Variants in NAA35 observed in about 807,000 individuals in gnomAD.
NAA35 encodes the protein MAK10 homolog, amino-acid N-acetyltransferase subunit.
NAA35 carries 18 observed loss-of-function variants against 101.7 expected under a neutral mutation model. The observed-to-expected ratio is 0.18, with a 90% CI of 0.12 to 0.26. The LOEUF (loss-of-function observed/expected upper bound fraction) is 0.26, where lower values mean the gene tolerates loss of function less well. NAA35 is among the 10% of genes least tolerant of loss of function. The pLI, the probability that NAA35 is intolerant of heterozygous loss-of-function variation, is 1.00. For missense variants in NAA35, 601 were observed against 886.8 expected (o/e 0.68, Z 4.09); for synonymous variants, 267 against 273.1 (o/e 0.98, Z 0.22).
chr9:85,986,756 T>C (rs1031230781), intron 11 of NAA35: 6 of 275,952 alleles, frequency 2.2e-5, no homozygotes, highest in Non-Finnish European at 3.5e-5. Flanking sequence ...GGCTAACTTT[T>C]TGTATTCTTT....
At chr9:86,001,820 C>T (rs1452462957) in intron 12 of NAA35, among the ~76,000 whole-genome samples, 3 of 152,092 alleles carry the variant, frequency 2.0e-5, no homozygotes, top group Non-Finnish European at 4.4e-5. Flanking sequence ...GCTTTTTTAT[C>T]CAGCTTGTCA....
At position 85,963,364 on chromosome 9, in the gene NAA35, G is replaced by A. The variant is rs148380748; in HGVS notation, c.516+1184G>A. 2.5e-4 allele frequency among the ~76,000 whole-genome samples: 36 copies of A among 146,688 alleles called. No homozygotes were observed. The East Asian group carries it at 7.3e-3, about 30-fold the overall frequency. ...CGGCTCACTGCAACCTCCATCTCCC[G>A]GGTTCAAGCTATTCTTGTGCCTCAG... On this transcript the variant is annotated intron_variant, in intron 6 of 22. Coordinates refer to ENST00000361671, the MANE Select transcript of NAA35 (RefSeq NM_024635.4).
chr9:86,007,249 T>C, intron 13 of NAA35, 109 bp from the exon 14 acceptor site: 1 of 704,786 alleles, frequency 1.4e-6, no homozygotes, highest in Non-Finnish European at 2.2e-6. Context: ...CACAAACTTT[T>C]TATATTTTAA....
intron 6 of NAA35, among the ~76,000 whole-genome samples, chr9:85,974,486 T>C (rs1312812234): frequency 3.9e-5 from 6 of 152,224 alleles, no homozygotes; most frequent in Admixed American, 6.5e-5. Flanking sequence ...CAATGGACTA[T>C]AGTGGAACAT....
intron 2 of NAA35, among the ~76,000 whole-genome samples, chr9:85,954,310 C>T (rs1220943170): frequency 6.6e-6 from 1 of 152,134 alleles, no homozygotes; most frequent in Non-Finnish European, 1.5e-5. Context: ...CTTGAACTCG[C>T]GGGCTTAGGC....
rs1456789718 is a variant in NAA35 at position 85,947,515 on chromosome 9, G to A, written c.124+5232G>A. On this transcript the variant is annotated intron_variant, in intron 2 of 22. Transcript: ENST00000361671. Reference sequence around the variant, plus strand: ...ATCCAGAATGTTACCAAGAGGTGGAGCATGGGTGAGATGGCCAGCGCTGGC... The same window carrying A: ...ATCCAGAATGTTACCAAGAGGTGGAACATGGGTGAGATGGCCAGCGCTGGC... Among the ~76,000 whole-genome samples the A allele has an allele frequency of 2.0e-5, 3 of 152,312 alleles. No individual in the cohort carries two copies. The East Asian group carries it at 5.8e-4, about 29-fold the overall frequency.
At chr9:86,010,761 G>A (rs1831883712) in intron 15 of NAA35, among the ~76,000 whole-genome samples, 1 of 149,844 alleles carries the variant, frequency 6.7e-6, no homozygotes, top group African/African-American at 2.4e-5. Flanking sequence ...TGTATTTTTA[G>A]TAGAGACGGG....
At chr9:86,006,543 G>C (rs1267062243) in intron 13 of NAA35, among the ~76,000 whole-genome samples, 1 of 152,154 alleles carries the variant, frequency 6.6e-6, no homozygotes, top group East Asian at 1.9e-4. Context: ...AAAGAAGCTG[G>C]ACTCAAAAGG....
In NAA35 at chr9:86,015,764, T is replaced by A. The variant is rs76534984; in HGVS notation, c.1569-775T>A. 952 of 971,586 alleles carry A rather than the reference T, an allele frequency of 9.8e-4. 9 individuals carry two copies. In the African/African-American group the frequency reaches 0.014, roughly 15 times the overall value. 60.2% of individuals were successfully genotyped at this position (971,586 alleles called of 1,614,324 possible). A position where few individuals can be genotyped will look rare whatever the true frequency, so the allele number is the denominator to read the frequency against. On this transcript the variant is annotated intron_variant, in intron 17 of 22. Coordinates refer to ENST00000361671, the MANE Select transcript of NAA35 (RefSeq NM_024635.4). ...AAAGGCTGCATCTTAGTTGTCCCCT[T>A]CACTCATGTGTCCTTAGGTTAGATA...
intron 8 of NAA35, among the ~76,000 whole-genome samples, chr9:85,975,511 G>C (rs1025225112): frequency 3.3e-5 from 5 of 151,904 alleles, no homozygotes; most frequent in African/African-American, 1.2e-4. Context: ...ATGTCCTTCT[G>C]TATACTTTAA....
chr9:86,003,040 C>T (rs530189305), intron 12 of NAA35, among the ~76,000 whole-genome samples: 7 of 152,142 alleles, frequency 4.6e-5, no homozygotes, highest in East Asian at 1.9e-4. Flanking sequence ...TTCACTGGGC[C>T]GAGGCTTTCT....
At chr9:85,993,321 C>G (rs896275543) in intron 11 of NAA35, among the ~76,000 whole-genome samples, 39 of 152,254 alleles carry the variant, frequency 2.6e-4, no homozygotes, top group Non-Finnish European at 4.1e-4. Context: ...TACAGGCGTA[C>G]ACCACCACAC....
At chr9:85,944,917 G>A (rs1403578008) in intron 2 of NAA35, among the ~76,000 whole-genome samples, 1 of 152,136 alleles carries the variant, frequency 6.6e-6, no homozygotes, top group Non-Finnish European at 1.5e-5. Flanking sequence ...ACCACAGGTC[G>A]GCAGAATTTA....
At chr9:85,951,025 CT>C (rs1828995732) in intron 2 of NAA35, among the ~76,000 whole-genome samples, 1 of 151,588 alleles carries the variant, frequency 6.6e-6, no homozygotes. Context: ...GTAGTCCCAG[CT>C]ACTTGGGAGG....
chr9:86,009,776 C>T, intron 14 of NAA35, 89 bp from the exon 15 acceptor site: 6 of 887,174 alleles, frequency 6.8e-6, no homozygotes, highest in Admixed American at 2.2e-5. Context: ...TTTTATTCAC[C>T]TTCTCTGTCA....
At chr9:86,007,878 TAAAAA>T (rs111329662) in intron 14 of NAA35, among the ~76,000 whole-genome samples, 1 of 150,892 alleles carries the variant, frequency 6.6e-6, no homozygotes, top group Non-Finnish European at 1.5e-5. Flanking sequence ...TACACTTTGT[TAAAAA>T]AAAAGATACA....
At chr9:85,952,095 AT>A (rs1434314661) in intron 2 of NAA35, among the ~76,000 whole-genome samples, 2 of 152,180 alleles carry the variant, frequency 1.3e-5, no homozygotes, top group Non-Finnish European at 2.9e-5. Flanking sequence ...ATTTACCAAA[AT>A]TTTAGATTTT....
chr9:85,965,246 G>C (rs1470918871), intron 6 of NAA35, among the ~76,000 whole-genome samples: 1 of 152,182 alleles, frequency 6.6e-6, no homozygotes, highest in African/African-American at 2.4e-5. Flanking sequence ...ATTACTTACA[G>C]AATTGTTTGT....
chr9:85,985,981 T>A (rs1830631221), intron 11 of NAA35, among the ~76,000 whole-genome samples: 1 of 152,038 alleles, frequency 6.6e-6, no homozygotes, highest in East Asian at 1.9e-4. Context: ...TTAGGGAAAA[T>A]GAGAATCCAT....
Sources: gnomAD v4.1 joint callset for allele counts (sites outside exome capture counted in the v4.1 genomes callset) on GRCh38, gnomAD v4.1.1 for gene constraint, MANE v1.5 for transcripts, NCBI Gene and HGNC (gene_info 2026-07-23, HGNC 2026-07-21) for gene names.